VPS13C: variants seen among roughly 807,000 people sequenced by gnomAD.
VPS13C encodes intermembrane lipid transfer protein VPS13C.
Under a neutral mutation model 456.8 loss-of-function variants are expected in VPS13C, and 358 were observed. The ratio of observed to expected loss-of-function variants is 0.78; its 90% confidence interval spans 0.72 to 0.86. VPS13C has a LOEUF of 0.86. Ranked by LOEUF, VPS13C falls within the 40% of genes least tolerant of loss-of-function variation. VPS13C has a pLI of 0.00. For missense variants in VPS13C, 4,818 were observed against 4,385.4 expected, an observed-to-expected ratio of 1.10 and a Z score of -2.79; for synonymous variants, 1,578 against 1,486.7, an observed-to-expected ratio of 1.06 and a Z score of -1.41.
At position 61,964,781 on chromosome 15, in the gene VPS13C, T is replaced by G; in HGVS notation, c.3132A>C (p.Pro1044=). ...ASINYLTTII[P]SDDQSISVAK... The stretch of plus-strand genomic sequence containing the variant: ...CAACACTTATGCTTTGATCATCAGA[T>G]GGAATAATGGTTGTGAGGTAATTAA... The change falls in exon 31 of 85, where the codon CCA becomes CCC. Residue 1044 remains proline (P), a synonymous_variant. Coordinates refer to ENST00000644861, the MANE Select transcript of VPS13C (RefSeq NM_020821.3). 1.9e-6 allele frequency: 3 copies of G among 1,612,768 alleles called. No individual in the cohort carries two copies. The East Asian group carries it at 6.7e-5, about 36-fold the overall frequency.
chr15:61,989,954 A>G (rs1277721889), intron 18 of VPS13C, among the ~76,000 whole-genome samples: 1 of 152,206 alleles, frequency 6.6e-6, no homozygotes, highest in Non-Finnish European at 1.5e-5. Flanking sequence ...ACAAGTTCAG[A>G]GCAGCATTAT....
chr15:61,860,273 A>C (rs887088800), intron 82 of VPS13C, among the ~76,000 whole-genome samples: 1 of 152,190 alleles, frequency 6.6e-6, no homozygotes, highest in African/African-American at 2.4e-5. Flanking sequence ...TAATTAAAAC[A>C]AAAAATTATT....
intron 16 of VPS13C, among the ~76,000 whole-genome samples, chr15:61,996,085 A>G (rs1011525422): frequency 1.3e-5 from 2 of 152,182 alleles, no homozygotes; most frequent in African/African-American, 4.8e-5. Context: ...GCAGGGAAAG[A>G]GCTGGAGAAG....
chr15:61,958,722 A>C lies in VPS13C; in HGVS notation c.4057-6T>G. 7.1e-7 allele frequency: 1 copy of C among 1,399,782 alleles called. No homozygotes were observed. The highest frequency in any genetic ancestry group is 9.7e-7 in the Non-Finnish European group (1 of 1,033,770). The allele number at this position is 1,399,782 out of a possible 1,614,324, so 86.7% of individuals were successfully genotyped here. On this transcript the variant is annotated splice_polypyrimidine_tract_variant and splice_region_variant and intron_variant, in intron 36 of 84. Transcript: ENST00000644861. ...TCTTCTTGATTTAGACTAACCTGTA[A>C]AATATTATGTTAAAAAAAAAACTAT...
At chr15:62,013,873 C>T in intron 10 of VPS13C, 60 bp downstream of exon 10, 1 of 1,298,854 alleles carries the variant, frequency 7.7e-7, no homozygotes, top group Non-Finnish European at 1.1e-6. Flanking sequence ...AATGTTTCTT[C>T]AAGAAAATAA....
At chr15:61,859,547 G>A (rs1188744948) in intron 82 of VPS13C, among the ~76,000 whole-genome samples, 1 of 151,996 alleles carries the variant, frequency 6.6e-6, no homozygotes, top group Non-Finnish European at 1.5e-5. Flanking sequence ...ACTATTGTAT[G>A]CCTCCACTTG....
intron 46 of VPS13C, among the ~76,000 whole-genome samples, chr15:61,941,456 T>C (rs1420018648): frequency 6.6e-6 from 1 of 152,080 alleles, no homozygotes; most frequent in East Asian, 1.9e-4. Context: ...AAAAAGGAAA[T>C]AGCTACGTGC....
intron 11 of VPS13C, 95 bp downstream of exon 11, chr15:62,012,944 A>C: frequency 1.5e-6 from 1 of 683,014 alleles, no homozygotes; most frequent in Non-Finnish European, 2.3e-6. Context: ...AGTTAAACAA[A>C]TGGCTGATAT....
rs1349428056 is a variant in VPS13C at position 61,858,704 on chromosome 15, A to C, written c.10953-2295T>G. Among the ~76,000 whole-genome samples, 1 of 152,330 alleles carries C rather than the reference A, an allele frequency of 6.6e-6. No homozygotes were observed. The highest frequency in any genetic ancestry group is 1.9e-4 in the East Asian group (1 of 5,180). On this transcript the variant is annotated intron_variant, in intron 82 of 84. Coordinates refer to ENST00000644861, the MANE Select transcript of VPS13C (RefSeq NM_020821.3). The surrounding 1 kb of genome is among the most constrained non-coding windows in gnomAD (Gnocchi z 4.4). ...GACTATAAATCTGCGTAAGAGACCA[A>C]GAAGTCAGAGATTCAAAGCACCCTT...
chr15:61,998,646 C>G (rs1481538857), intron 16 of VPS13C, among the ~76,000 whole-genome samples: 3 of 152,230 alleles, frequency 2.0e-5, no homozygotes, highest in Admixed American at 2.0e-4. Context: ...GGATCAGAAT[C>G]CAGACCATCT....
Position 61,884,283 on chromosome 15 carries a change from A to C in VPS13C, c.9342-14T>G. On this transcript the variant is annotated splice_polypyrimidine_tract_variant and intron_variant, in intron 67 of 84. Transcript: ENST00000644861. ...ACAACACCAGAACTAAATAATTCACACAAAAAAATTAAATTAGCAATATGT... is the reference window on the plus strand; with the variant it reads ...ACAACACCAGAACTAAATAATTCACCCAAAAAAATTAAATTAGCAATATGT... The C allele has an allele frequency of 6.2e-7, 1 of 1,606,062 alleles. No individual in the cohort carries two copies. The highest frequency in any genetic ancestry group is 8.5e-7 in the Non-Finnish European group (1 of 1,177,954).
chr15:61,940,369 A>AAAACAAAGAAAAGTGAGGG (rs1424780765), intron 47 of VPS13C, among the ~76,000 whole-genome samples: 2 of 152,258 alleles, frequency 1.3e-5, no homozygotes, highest in African/African-American at 4.8e-5. Context: ...AACTAAAATG[A>AAAACAAAGAAAAGTGAGGG]AAACAAAGAA....
intron 36 of VPS13C, 130 bp from the exon 37 acceptor site, chr15:61,958,846 A>G: frequency 2.1e-6 from 1 of 485,788 alleles, no homozygotes; most frequent in Non-Finnish European, 3.5e-6. Context: ...GTTACATACA[A>G]TCACAACTCA....
intron 81 of VPS13C, among the ~76,000 whole-genome samples, chr15:61,868,403 T>A (rs968032519): frequency 3.3e-5 from 5 of 152,016 alleles, no homozygotes; most frequent in African/African-American, 1.2e-4. Context: ...ATCACAGAAA[T>A]AGTGATATAG....
At chr15:62,058,198 A>G (rs1334311373) in intron 1 of VPS13C, among the ~76,000 whole-genome samples, 1 of 152,246 alleles carries the variant, frequency 6.6e-6, no homozygotes, top group East Asian at 1.9e-4. Flanking sequence ...TTCAGATTTC[A>G]GATTTGCTAC....
intron 3 of VPS13C, among the ~76,000 whole-genome samples, chr15:62,040,077 G>T (rs535982551): frequency 7.2e-5 from 11 of 152,134 alleles, no homozygotes; most frequent in African/African-American, 2.4e-4. Context: ...TGGAACTGGG[G>T]GTCATTATGT....
chr15:61,940,768 T>C lies in VPS13C; in HGVS notation c.5480A>G (p.Gln1827Arg), dbSNP rs1219627640. ...SRTILQASLP[Q>R]NDIEILKPVN... ...TGGTTTTAAAATTTCAATGTCATTT[T>C]GTGGCAAGCTAGCCTGCAAAATAGT... is the stretch of plus-strand genomic sequence containing the variant. Residue 1827 changes from glutamine to arginine, a missense_variant, in exon 47 of 85, where the codon CAA becomes CGA. By Grantham distance (43) the Gln-to-Arg change is conservative. Transcript: ENST00000644861. 2 of 1,613,326 alleles carry C rather than the reference T, an allele frequency of 1.2e-6. No individual in the cohort carries two copies. The highest frequency in any genetic ancestry group is 8.5e-7 in the Non-Finnish European group (1 of 1,179,692).
intron 66 of VPS13C, among the ~76,000 whole-genome samples, chr15:61,900,344 G>A (rs1452617285): frequency 6.6e-6 from 1 of 152,196 alleles, no homozygotes; most frequent in East Asian, 1.9e-4. Context: ...CAGACGACAT[G>A]ATTGTATATT....
chr15:61,944,535 C>G (rs752588842), intron 45 of VPS13C, among the ~76,000 whole-genome samples: 2 of 152,050 alleles, frequency 1.3e-5, no homozygotes, highest in Non-Finnish European at 2.9e-5. Flanking sequence ...AACGCACGAA[C>G]AGAAACCAAA....
Sources: gnomAD v4.1 joint callset for allele counts (sites outside exome capture counted in the v4.1 genomes callset) on GRCh38, gnomAD v4.1.1 for gene constraint, Gnocchi (gnomAD v3.1) non-coding constraint, MANE v1.5 for transcripts, NCBI Gene and HGNC (gene_info 2026-07-23, HGNC 2026-07-21) for gene names.